PRDM1: variants seen among roughly 807,000 people sequenced by gnomAD.
The protein encoded by PRDM1 is PR domain zinc finger protein 1.
In PRDM1, 13 loss-of-function variants were observed where a neutral mutation model predicts 62.8. The observed-to-expected ratio is 0.21, with a 90% confidence interval of 0.13 to 0.33. The LOEUF is 0.33. PRDM1 is among the 10% of genes least tolerant of loss of function. The probability of loss-of-function intolerance (pLI) is 1.00; values close to 1 mark genes in which losing one functional copy is unlikely to be tolerated. For missense variants in PRDM1, 895 were observed against 1,058.8 expected (o/e 0.85, Z 2.15); for synonymous variants, 396 against 417.6 (o/e 0.95, Z 0.63).
intron 1 of PRDM1, among the ~76,000 whole-genome samples, chr6:106,015,352 T>C (rs1772606213): frequency 2.0e-5 from 3 of 152,246 alleles, no homozygotes; most frequent in Admixed American, 2.0e-4. Flanking sequence ...TAAAAAGTGC[T>C]ACTTGGGCAA....
chr6:106,031,271 A>G (rs1241402736), intron 1 of PRDM1, among the ~76,000 whole-genome samples: 1 of 152,230 alleles, frequency 6.6e-6, no homozygotes, highest in African/African-American at 2.4e-5. Flanking sequence ...TGTACAGAAA[A>G]GTAAATGGAC....
At chr6:106,086,809 A>G (rs1264645210) in intron 1 of PRDM1, among the ~76,000 whole-genome samples, 2 of 152,272 alleles carry the variant, frequency 1.3e-5, no homozygotes, top group Non-Finnish European at 2.9e-5. Context: ...CAATTCATTG[A>G]AATTTCAGTA....
intron 1 of PRDM1, among the ~76,000 whole-genome samples, chr6:106,007,989 T>C (rs1180401086): frequency 6.6e-6 from 1 of 152,254 alleles, no homozygotes; most frequent in Non-Finnish European, 1.5e-5. Context: ...AAATCTCTTT[T>C]TATCTCCAGA....
chr6:106,095,263 G>C (rs1406418223), intron 2 of PRDM1, among the ~76,000 whole-genome samples: 2 of 152,120 alleles, frequency 1.3e-5, no homozygotes, highest in Non-Finnish European at 1.5e-5. Flanking sequence ...GTCTAATCTT[G>C]ACCATCTAAT....
chr6:106,063,927 A>G (rs759601353), intron 1 of PRDM1, among the ~76,000 whole-genome samples: 4 of 152,186 alleles, frequency 2.6e-5, no homozygotes, highest in Non-Finnish European at 4.4e-5. Flanking sequence ...AATAGCTTTG[A>G]ATTTAAAACT....
At chr6:106,097,024 G>A (rs974810322) in intron 3 of PRDM1, among the ~76,000 whole-genome samples, 3 of 152,114 alleles carry the variant, frequency 2.0e-5, no homozygotes, top group African/African-American at 7.2e-5. Context: ...TTTTAATCCA[G>A]GAAGTTTTTC....
At chr6:106,074,782 C>T (rs929688846) in intron 1 of PRDM1, among the ~76,000 whole-genome samples, 1 of 152,182 alleles carries the variant, frequency 6.6e-6, no homozygotes, top group Non-Finnish European at 1.5e-5. Flanking sequence ...CAAGACCAGC[C>T]TGGTCAACGT....
upstream of PRDM1, among the ~76,000 whole-genome samples, chr6:106,084,028 GT>G (rs1276119167): frequency 1.3e-5 from 2 of 152,082 alleles, no homozygotes; most frequent in East Asian, 3.9e-4. Context: ...ATATGGACAT[GT>G]TTTTTCCTAT....
At chr6:106,066,211 G>A (rs1390304792) in intron 1 of PRDM1, among the ~76,000 whole-genome samples, 1 of 152,038 alleles carries the variant, frequency 6.6e-6, no homozygotes, top group African/African-American at 2.4e-5. Flanking sequence ...GTTCTTAAAT[G>A]GGGGCTTTAT....
chr6:106,066,254 T>G (rs1773432127), intron 1 of PRDM1, among the ~76,000 whole-genome samples: 1 of 152,162 alleles, frequency 6.6e-6, no homozygotes, highest in Non-Finnish European at 1.5e-5. Flanking sequence ...CTCCATGTAC[T>G]CCTCACCTGT....
At chr6:106,068,398 G>C (rs1773465529) in intron 1 of PRDM1, among the ~76,000 whole-genome samples, 1 of 152,090 alleles carries the variant, frequency 6.6e-6, no homozygotes, top group Non-Finnish European at 1.5e-5. Context: ...GGCCCACCCT[G>C]TTCTCCTCAG....
At chr6:106,098,260 G>A (rs1206880325) in intron 3 of PRDM1, 2 of 985,130 alleles carry the variant, frequency 2.0e-6, no homozygotes, top group Non-Finnish European at 2.4e-6. Context: ...TAAAGTAAAG[G>A]TGGTACCTCC....
intron 1 of PRDM1, among the ~76,000 whole-genome samples, chr6:106,077,282 C>A (rs941840463): frequency 6.6e-6 from 1 of 152,180 alleles, no homozygotes; most frequent in African/African-American, 2.4e-5. Flanking sequence ...GATCACACCA[C>A]CAGGCACTGT....
At chr6:106,045,133 A>G (rs1228329183), upstream of PRDM1, among the ~76,000 whole-genome samples, 2 of 152,210 alleles carry the variant, frequency 1.3e-5, no homozygotes, top group Admixed American at 6.5e-5. Context: ...GCAATTTCTC[A>G]TCCATCTTTC....
In PRDM1 at chr6:106,108,264, C is replaced by T; in HGVS notation, c.*778C>T. 1 of 233,680 alleles carries T rather than the reference C, an allele frequency of 4.3e-6. No homozygotes were observed. The highest frequency in any genetic ancestry group is 8.5e-6 in the Non-Finnish European group (1 of 117,996). 14.5% of individuals were successfully genotyped at this position (233,680 alleles called of 1,614,324 possible). A position where few individuals can be genotyped will look rare whatever the true frequency, so the allele number is the denominator to read the frequency against. ...AGCCACAATTTTACCGGAAGGGTGA[C>T]AGGAAGGCTTTACCAACCTGTCTCT... On this transcript the variant is annotated 3_prime_UTR_variant, in exon 7 of 7. Coordinates refer to ENST00000369096, the MANE Select transcript of PRDM1 (RefSeq NM_001198.4).
At chr6:106,044,312 A>T (rs1170823720), upstream of PRDM1, among the ~76,000 whole-genome samples, 1 of 151,822 alleles carries the variant, frequency 6.6e-6, no homozygotes, top group Non-Finnish European at 1.5e-5. Context: ...AGAAGAATTT[A>T]AAGTTATAAT....
Position 106,106,048 on chromosome 6 carries a change from G to A in PRDM1, c.1773+115G>A. On this transcript the variant is annotated intron_variant, in intron 5 of 6. Coordinates refer to ENST00000369096, the MANE Select transcript of PRDM1 (RefSeq NM_001198.4). This position sits in a 1 kb window ranked among gnomAD's most constrained non-coding sequence, Gnocchi z 4.4. ...TGCAGTAGTATGAGCCCCCGGTTGGGGATAGTGGGTATGGATTCCGCCTGG... is the reference window on the plus strand; with the variant it reads ...TGCAGTAGTATGAGCCCCCGGTTGGAGATAGTGGGTATGGATTCCGCCTGG... 1.4e-6 allele frequency: 2 copies of A among 1,434,288 alleles called. No homozygotes were observed. Among genetic ancestry groups the A allele is most frequent in the East Asian group, 2.4e-5 (1 of 40,866 alleles). The allele number at this position is 1,434,288 out of a possible 1,614,324, so 88.8% of individuals were successfully genotyped here.
intron 1 of PRDM1, among the ~76,000 whole-genome samples, chr6:106,056,953 A>G (rs1228137922): frequency 6.6e-6 from 1 of 152,222 alleles, no homozygotes; most frequent in Admixed American, 6.5e-5. Context: ...TGTTTTCAGA[A>G]TGTGGATTCA....
intron 3 of PRDM1, among the ~76,000 whole-genome samples, chr6:106,097,428 CA>C (rs1366661745): frequency 6.6e-6 from 1 of 152,224 alleles, no homozygotes; most frequent in Non-Finnish European, 1.5e-5. Context: ...CAGTCTTTCA[CA>C]TGCAAAGGAT....
Sources: gnomAD v4.1 joint callset for allele counts (sites outside exome capture counted in the v4.1 genomes callset) on GRCh38, gnomAD v4.1.1 for gene constraint, Gnocchi (gnomAD v3.1) non-coding constraint, MANE v1.5 for transcripts, NCBI Gene and HGNC (gene_info 2026-07-23, HGNC 2026-07-21) for gene names.